The following NAV2 variants were observed in gnomAD, a reference collection of about 807,000 sequenced individuals.
NAV2 encodes neuron navigator 2.
Under a neutral mutation model 223.2 loss-of-function variants are expected in NAV2, and 54 were observed. The ratio of observed to expected loss-of-function variants is 0.24; its 90% confidence interval spans 0.19 to 0.30. NAV2 has a LOEUF of 0.30. NAV2 is among the 10% of genes least tolerant of loss of function. NAV2 has a pLI of 1.00. For synonymous variants in NAV2, 1,279 were observed against 1,239.3 expected, an observed-to-expected ratio of 1.03 and a Z score of -0.67; for missense variants, 2,806 against 3,147.5, an observed-to-expected ratio of 0.89 and a Z score of 2.60.
chr11:19,787,672 A>G (rs2057235420), intron 1 of NAV2, among the ~76,000 whole-genome samples: 1 of 152,142 alleles, frequency 6.6e-6, no homozygotes, highest in Non-Finnish European at 1.5e-5. Flanking sequence ...GCATGATAGT[A>G]AACTTAGAGA....
At chr11:19,403,629 A>G (rs1324326296) in intron 1 of NAV2, among the ~76,000 whole-genome samples, 1 of 152,172 alleles carries the variant, frequency 6.6e-6, no homozygotes, top group African/African-American at 2.4e-5. Flanking sequence ...GAGAGGCAAC[A>G]ATGTGTATGG....
In NAV2 at chr11:20,045,604, G is replaced by A; in HGVS notation, c.3836G>A (p.Ser1279Asn). Residue 1279 changes from serine (S) to asparagine (N), a missense_variant, in exon 14 of 38, where the codon AGT becomes AAT. Ser to Asn is a conservative substitution (Grantham distance 46). This residue lies in a region of NAV2 where 742 missense variants were observed against 777.9 expected (regional missense o/e 0.95). Transcript: ENST00000349880. ...KVNPAAQPVS[S>N]PAQTSLQPGA... ...AATCCGGCAGCCCAGCCTGTGTCCA[G>A]TCCGGCTCAGACCAGTCTCCAGCCT... is the stretch of plus-strand genomic sequence containing the variant. 1.2e-6 allele frequency: 2 copies of A among 1,614,216 alleles called. No homozygotes were observed. The highest frequency in any genetic ancestry group is 1.1e-5 in the South Asian group (1 of 91,092).
rs370235688 is a variant in NAV2, at chr11:19,826,542, C to A, written c.268-5942C>A. ...TTCCTTGCATGAGCTAATGAAACAG[C>A]AAGTGAAGGAGATGGGGCTGAATTT... is the stretch of plus-strand genomic sequence containing the variant. On this transcript the variant is annotated intron_variant, in intron 1 of 37. Transcript: ENST00000349880. Among the ~76,000 whole-genome samples the A allele has an allele frequency of 4.6e-5, 7 of 152,280 alleles. 1 individual carries two copies. In the South Asian group the frequency reaches 1.2e-3, roughly 27 times the overall value.
intron 1 of NAV2, among the ~76,000 whole-genome samples, chr11:19,388,615 A>T (rs1310804761): frequency 1.3e-5 from 2 of 152,070 alleles, no homozygotes; most frequent in African/African-American, 4.8e-5. Context: ...GTGATGGCGG[A>T]TTTTGGTGGG....
intron 3 of NAV2, among the ~76,000 whole-genome samples, chr11:19,847,957 A>G (rs1287222491): frequency 6.6e-6 from 1 of 152,222 alleles, no homozygotes; most frequent in Non-Finnish European, 1.5e-5. Flanking sequence ...AGAACCCTTC[A>G]GAAATCTTCT....
chr11:19,610,254 A>G (rs1306870163), intron 1 of NAV2, among the ~76,000 whole-genome samples: 2 of 152,092 alleles, frequency 1.3e-5, no homozygotes, highest in Non-Finnish European at 2.9e-5. Context: ...TTTTTCTTTT[A>G]TGTTTCAACT....
Position 20,103,717 on chromosome 11 carries a change from A to G in NAV2, c.6637A>G (p.Asn2213Asp). The G allele has an allele frequency of 1.9e-6, 3 of 1,614,134 alleles. No homozygotes were observed. Among genetic ancestry groups the G allele is most frequent in the African/African-American group, 1.3e-5 (1 of 75,050 alleles). Reference sequence around the variant, plus strand: ...GACTCCCAACCTGCAGCTTCACCATAACTTCAGGTCAGTTTTCCCTTCCCT... The same window carrying G: ...GACTCCCAACCTGCAGCTTCACCATGACTTCAGGTCAGTTTTCCCTTCCCT... ...SSTPNLQLHH[N>D]FRWVLCANHT... The change falls in exon 34 of 38, where the codon AAC (asparagine) becomes GAC (aspartate). Residue 2213 changes from asparagine to aspartate, a missense_variant. Asn to Asp is a conservative substitution (Grantham distance 23). Around this residue, in one of 4 missense-constraint regions of NAV2, gnomAD observed 824 missense variants for 1,069.4 expected, o/e 0.77. Transcript: ENST00000349880.
chr11:19,998,403 G>A lies in NAV2; in HGVS notation c.2768+14156G>A, dbSNP rs1002753796. Among the ~76,000 whole-genome samples, 2 of 151,894 alleles carry A rather than the reference G, an allele frequency of 1.3e-5. No homozygotes were observed. Among genetic ancestry groups the A allele is most frequent in the Non-Finnish European group, 2.9e-5 (2 of 67,988 alleles). ...CTTCCAGGCCCACTGTACCCACCAG[G>A]GCCTTCATGCGGTACGTTCTCCACC... is the stretch of plus-strand genomic sequence containing the variant. On this transcript the variant is annotated intron_variant, in intron 11 of 37. Coordinates refer to ENST00000349880, the MANE Select transcript of NAV2 (RefSeq NM_145117.5). The surrounding 1 kb of genome is among the most constrained non-coding windows in gnomAD (Gnocchi z 5.0).
At chr11:19,582,437 G>A (rs905106323) in intron 1 of NAV2, among the ~76,000 whole-genome samples, 5 of 152,280 alleles carry the variant, frequency 3.3e-5, no homozygotes, top group African/African-American at 1.2e-4. Flanking sequence ...TGAAGTCCTT[G>A]CCCATGCTTA....
At chr11:19,809,709 C>T (rs1453692655) in intron 1 of NAV2, among the ~76,000 whole-genome samples, 1 of 152,216 alleles carries the variant, frequency 6.6e-6, no homozygotes, top group Non-Finnish European at 1.5e-5. Context: ...GACAGCTTCT[C>T]AGACTTGCCT....
chr11:19,493,164 GC>G (rs1391610916), intron 1 of NAV2, among the ~76,000 whole-genome samples: 2 of 150,990 alleles, frequency 1.3e-5, no homozygotes, highest in African/African-American at 2.4e-5. Flanking sequence ...CTACTCCCCT[GC>G]CCCCTCCCCT....
intron 1 of NAV2, among the ~76,000 whole-genome samples, chr11:19,669,642 T>C (rs1297115234): frequency 1.3e-5 from 2 of 152,258 alleles, no homozygotes; most frequent in Non-Finnish European, 2.9e-5. Flanking sequence ...GAGATCCTGC[T>C]TGCAATGAAG....
Position 19,392,096 on chromosome 11 carries a change from C to A in NAV2, c.75+41069C>A, listed in dbSNP as rs193090645. ...AGGAACCAAGGATTAATCAGACTCT[C>A]CTTTTACTTTGATGATGGAGAATCA... On this transcript the variant is annotated intron_variant, in intron 1 of 37. Transcript: ENST00000360655. 4.2e-3 allele frequency among the ~76,000 whole-genome samples: 641 copies of A among 152,226 alleles called. 16 individuals carry two copies. The highest frequency in any genetic ancestry group is 1.1e-3 in the Non-Finnish European group (78 of 68,008).
rs184906696 is a variant in NAV2, at chr11:20,033,578, A to C, written c.2769-2381A>C. Among the ~76,000 whole-genome samples the C allele has an allele frequency of 5.9e-5, 9 of 152,302 alleles. No homozygotes were observed. The East Asian group carries it at 1.7e-3, about 29-fold the overall frequency. On this transcript the variant is annotated intron_variant, in intron 11 of 37. Coordinates refer to ENST00000349880, the MANE Select transcript of NAV2 (RefSeq NM_145117.5). ...GCTGGACCCTTGTGGATTCATTCAC[A>C]ATAAGCCCCTTTTGAGCCCTCACTC...
intron 31 of NAV2, among the ~76,000 whole-genome samples, chr11:20,100,548 T>G (rs78378204): frequency 1.5e-4 from 1 of 6,550 alleles, no homozygotes. Context: ...ACTAGAGGGG[T>G]GTGTGTGTGT....
intron 1 of NAV2, among the ~76,000 whole-genome samples, chr11:19,526,533 A>G (rs897432935): frequency 4.0e-5 from 6 of 151,476 alleles, no homozygotes; most frequent in African/African-American, 1.2e-4. Flanking sequence ...CCCATTGTTT[A>G]CTCACTGCAC....
At chr11:20,021,177 AT>A (rs1270694252) in intron 11 of NAV2, among the ~76,000 whole-genome samples, 1 of 152,084 alleles carries the variant, frequency 6.6e-6, no homozygotes, top group Non-Finnish European at 1.5e-5. Flanking sequence ...TAAAATTTAC[AT>A]TTTGTCTCAT....
chr11:19,859,707 GT>G, intron 3 of NAV2, among the ~76,000 whole-genome samples: 1 of 151,948 alleles, frequency 6.6e-6, no homozygotes, highest in South Asian at 2.1e-4. Flanking sequence ...TCACTTCCCA[GT>G]AGGGGTGGCC....
rs528374057 is a variant in NAV2 at position 20,026,561 on chromosome 11, C to T, written c.2769-9398C>T. ...TCCTGACCTCGTGATCCACCCGCCTCGGCCTCCCAAAGTGCCGGGATTACA... is the reference window on the plus strand; with the variant it reads ...TCCTGACCTCGTGATCCACCCGCCTTGGCCTCCCAAAGTGCCGGGATTACA... On this transcript the variant is annotated intron_variant, in intron 11 of 37. Transcript: ENST00000349880. 8.5e-5 allele frequency among the ~76,000 whole-genome samples: 13 copies of T among 152,312 alleles called. No homozygotes were observed. The South Asian group carries it at 2.5e-3, about 29-fold the overall frequency.
Sources: allele counts gnomAD v4.1 joint callset (sites outside exome capture counted in the v4.1 genomes callset), GRCh38; gene constraint gnomAD v4.1.1; regional missense constraint gnomAD v4.1.1; non-coding constraint Gnocchi (gnomAD v3.1); transcripts MANE v1.5; gene names NCBI Gene and HGNC (gene_info 2026-07-23, HGNC 2026-07-21).